A2ML1: variants seen among roughly 807,000 people sequenced by gnomAD.
A2ML1 encodes alpha-2-macroglobulin like 1, also known as alpha-2-macroglobulin-like protein 1.
In A2ML1, 161 loss-of-function variants were observed where a neutral mutation model predicts 181.9. The observed-to-expected ratio is 0.89, with a 90% CI of 0.78 to 1.01. A2ML1 has a LOEUF of 1.01. A2ML1 is among the 50% of genes least tolerant of loss of function. The pLI, the probability that A2ML1 is intolerant of heterozygous loss-of-function variation, is 0.00. For synonymous variants in A2ML1, 663 were observed against 666.8 expected (o/e 0.99, Z 0.09); for missense variants, 1,670 against 1,768.1 (o/e 0.94, Z 1.00).
intron 33 of A2ML1, among the ~76,000 whole-genome samples, chr12:8,870,696 A>T (rs1195015634): frequency 6.6e-6 from 1 of 152,194 alleles, no homozygotes; most frequent in African/African-American, 2.4e-5. Flanking sequence ...CAAGTCTTAC[A>T]GCCACCCTCC....
intron 25 of A2ML1, 21 bp downstream of exon 25, chr12:8,857,609 A>T (rs1464880949): frequency 6.2e-7 from 1 of 1,602,350 alleles, no homozygotes; most frequent in Non-Finnish European, 8.5e-7. Context: ...CCAATTCCCA[A>T]TGAGTTCTGT....
At chr12:8,849,146 A>C (rs1943803111) in intron 16 of A2ML1, among the ~76,000 whole-genome samples, 1 of 152,196 alleles carries the variant, frequency 6.6e-6, no homozygotes, top group South Asian at 2.1e-4. Flanking sequence ...CATGAGATCA[A>C]TCAGGAGGGA....
intron 33 of A2ML1, among the ~76,000 whole-genome samples, chr12:8,873,242 AT>A (rs775312034): frequency 2.0e-3 from 287 of 142,050 alleles, no homozygotes; most frequent in Middle Eastern, 7.5e-3. Context: ...TTATAATACG[AT>A]TTTTTTTTTT....
At chr12:8,858,252 C>A in intron 26 of A2ML1, 150 bp downstream of exon 26, 1 of 907,850 alleles carries the variant, frequency 1.1e-6, no homozygotes, top group Non-Finnish European at 1.6e-6. Context: ...AAATGCTTAG[C>A]TGGTCTGGGC....
At chr12:8,841,571 G>A in intron 11 of A2ML1, 35 bp downstream of exon 11, 2 of 1,580,522 alleles carry the variant, frequency 1.3e-6, no homozygotes, top group Non-Finnish European at 1.7e-6. Flanking sequence ...TCCTAGAAAG[G>A]AAGGCTTCCC....
chr12:8,845,873 ATAAAATAAAAT>A (rs1943665531), intron 13 of A2ML1, among the ~76,000 whole-genome samples, 193 bp from the exon 14 acceptor site: 2 of 105,144 alleles, frequency 1.9e-5, no homozygotes, highest in African/African-American at 9.0e-5. Context: ...AATAAATAAA[ATAAAATAAAAT>A]AAAATAAAAA....
chr12:8,850,398 A>C (rs1943849447), intron 18 of A2ML1, 124 bp downstream of exon 18: 8 of 560,294 alleles, frequency 1.4e-5, no homozygotes, highest in Non-Finnish European at 2.4e-5. Flanking sequence ...CAGCCTGGGC[A>C]ACATAATGAG....
chr12:8,848,707 C>G lies in A2ML1; in HGVS notation c.1834-13C>G. ...ATATCAATGCTTTATTTCCTCTCCC[C>G]CTCTTGTCCCAGGTCTATGGGATGT... On this transcript the variant is annotated splice_polypyrimidine_tract_variant and intron_variant, in intron 15 of 35. Transcript: ENST00000299698. The G allele has an allele frequency of 6.3e-7, 1 of 1,579,412 alleles. No individual in the cohort carries two copies. The highest frequency in any genetic ancestry group is 8.6e-7 in the Non-Finnish European group (1 of 1,162,412).
intron 20 of A2ML1, among the ~76,000 whole-genome samples, chr12:8,853,372 A>G (rs1232495892): frequency 6.6e-6 from 1 of 152,220 alleles, no homozygotes; most frequent in Admixed American, 6.5e-5. Context: ...TTTGATTTTC[A>G]TATGTATGAG....
intron 35 of A2ML1, 22 bp downstream of exon 35, chr12:8,875,034 G>A: frequency 6.2e-7 from 1 of 1,613,080 alleles, no homozygotes; most frequent in Non-Finnish European, 8.5e-7. Flanking sequence ...GGAGAAATGG[G>A]TGGAGTTATG....
At chr12:8,823,603 A>G (rs1205931735) in intron 2 of A2ML1, 117 bp from the exon 3 acceptor site, 1 of 1,228,268 alleles carries the variant, frequency 8.1e-7, no homozygotes, top group Non-Finnish European at 1.1e-6. Flanking sequence ...TTATGTCTCT[A>G]TCCTTGCTAC....
At chr12:8,826,776 CCCT>C (rs1942943961) in intron 3 of A2ML1, among the ~76,000 whole-genome samples, 1 of 151,914 alleles carries the variant, frequency 6.6e-6, no homozygotes, top group Non-Finnish European at 1.5e-5. Flanking sequence ...GCGCCACCAC[CCCT>C]GGCTAATTTT....
At position 8,844,372 on chromosome 12, in the gene A2ML1, G is replaced by A. The variant is rs755207721; in HGVS notation, c.1476+1011G>A. Among the ~76,000 whole-genome samples the A allele has an allele frequency of 2.0e-5, 3 of 151,938 alleles. No individual in the cohort carries two copies. In the South Asian group the frequency reaches 6.3e-4, roughly 32 times the overall value. Reference sequence around the variant, plus strand: ...CCACCTTGGCCTCCCAAAGTGCTGGGACTGCAGGCATGAGCCACCGAGCCC... The same window carrying A: ...CCACCTTGGCCTCCCAAAGTGCTGGAACTGCAGGCATGAGCCACCGAGCCC... On this transcript the variant is annotated intron_variant, in intron 12 of 35. Coordinates refer to ENST00000299698, the MANE Select transcript of A2ML1 (RefSeq NM_144670.6).
chr12:8,848,593 A>C, intron 15 of A2ML1, 127 bp from the exon 16 acceptor site: 1 of 712,538 alleles, frequency 1.4e-6, no homozygotes, highest in Non-Finnish European at 2.2e-6. Context: ...AATGAATATA[A>C]AAATAATTCT....
chr12:8,851,807 A>C lies in A2ML1; in HGVS notation c.2258A>C (p.His753Pro). 6.2e-7 allele frequency: 1 copy of C among 1,614,162 alleles called. No homozygotes were observed. The highest frequency in any genetic ancestry group is 8.5e-7 in the Non-Finnish European group (1 of 1,180,036). The change falls in exon 19 of 36, where the codon CAC (histidine) becomes CCC (proline). Residue 753 changes from histidine (H) to proline (P), a missense_variant. By Grantham distance (77) the His-to-Pro change is moderately conservative (BLOSUM62 -2). Transcript: ENST00000299698. ...AGTAACTCGGGGAAGGAGGCGGTCCACGTCACAGTTCCTGACGCCATCACC... is the reference window on the plus strand; with the variant it reads ...AGTAACTCGGGGAAGGAGGCGGTCCCCGTCACAGTTCCTGACGCCATCACC... ...PIGNSGKEAVHVTVPDAITEW... is the reference protein window; with the variant it reads ...PIGNSGKEAVPVTVPDAITEW...
chr12:8,870,360 C>G (rs936622363), intron 33 of A2ML1, among the ~76,000 whole-genome samples: 1 of 152,120 alleles, frequency 6.6e-6, no homozygotes, highest in African/African-American at 2.4e-5. Context: ...CTCTGCCTCC[C>G]GGGTTCATGC....
At chr12:8,869,299 A>G in intron 33 of A2ML1, 96 bp downstream of exon 33, 1 of 1,280,938 alleles carries the variant, frequency 7.8e-7, no homozygotes, top group East Asian at 2.3e-5. Flanking sequence ...ACACATGGGG[A>G]TGAGGGGCCT....
chr12:8,881,565 G>A (rs1039478087), downstream of A2ML1, among the ~76,000 whole-genome samples: 1 of 152,158 alleles, frequency 6.6e-6, no homozygotes, highest in Non-Finnish European at 1.5e-5. Context: ...GCTTTTAAGT[G>A]TTTCTTAATT....
chr12:8,884,007 A>G (rs1944894660), intron 7 of A2ML1, among the ~76,000 whole-genome samples: 1 of 151,880 alleles, frequency 6.6e-6, no homozygotes, highest in Admixed American at 6.6e-5. Context: ...GCTGGTCTTG[A>G]ACTCCTGGCC....
Sources: allele counts gnomAD v4.1 joint callset (sites outside exome capture counted in the v4.1 genomes callset), GRCh38; gene constraint gnomAD v4.1.1; transcripts MANE v1.5; gene names NCBI Gene and HGNC (gene_info 2026-07-23, HGNC 2026-07-21).